The following ERG variants were observed in gnomAD, a reference collection of about 807,000 sequenced individuals.
The protein encoded by ERG is transcriptional regulator ERG.
A neutral mutation model predicts 55.3 loss-of-function variants in ERG; 9 were observed. The ratio of observed to expected loss-of-function variants is 0.16; its 90% CI spans 0.10 to 0.28. ERG has a LOEUF of 0.28. ERG is among the 10% of genes least tolerant of loss of function. The pLI is 1.00. For synonymous variants in ERG, 223 were observed against 237.3 expected (o/e 0.94, Z 0.55); for missense variants, 434 against 631.6 (o/e 0.69, Z 3.35).
At chr21:38,395,565 T>A (rs942882266) in intron 6 of ERG, 2 of 193,024 alleles carry the variant, frequency 1.0e-5, no homozygotes, top group African/African-American at 2.3e-5. Flanking sequence ...GGTTCTGTTG[T>A]TTTATCTGTA....
chr21:38,450,091 T>C (rs1165981254), intron 1 of ERG, among the ~76,000 whole-genome samples: 4 of 144,878 alleles, frequency 2.8e-5, no homozygotes, highest in Admixed American at 2.8e-4. Context: ...TGATCATGCT[T>C]AAAAAAAAAA....
At chr21:38,410,554 A>G (rs1988997587) in intron 3 of ERG, among the ~76,000 whole-genome samples, 1 of 152,222 alleles carries the variant, frequency 6.6e-6, no homozygotes, top group Non-Finnish European at 1.5e-5. Flanking sequence ...TGTACTCTGT[A>G]TGTGGAGTGG....
At chr21:38,489,670 G>A (rs1173310599) in intron 1 of ERG, among the ~76,000 whole-genome samples, 2 of 152,248 alleles carry the variant, frequency 1.3e-5, no homozygotes, top group South Asian at 2.1e-4. Flanking sequence ...AAAAGGAGAT[G>A]TGTAGTGGCT....
chr21:38,610,344 A>G (rs1873201078), intron 1 of ERG, among the ~76,000 whole-genome samples: 1 of 152,238 alleles, frequency 6.6e-6, no homozygotes, highest in Non-Finnish European at 1.5e-5. Flanking sequence ...CTTCAAGGTT[A>G]CTGTTAGTTC....
chr21:38,371,775 A>G, the ERG span, among the ~76,000 whole-genome samples: 1 of 152,016 alleles, frequency 6.6e-6, no homozygotes, highest in Non-Finnish European at 1.5e-5. Context: ...TATTTGGTTA[A>G]AATTTTTGCA....
In ERG at chr21:38,383,331, C is replaced by T. The variant is rs1398346424; in HGVS notation, c.*72G>A. 1.3e-5 allele frequency: 18 copies of T among 1,370,950 alleles called. No individual in the cohort carries two copies. Among genetic ancestry groups the T allele is most frequent in the Middle Eastern group, 2.4e-4 (1 of 4,166 alleles). The allele number at this position is 1,370,950 out of a possible 1,614,324, so 84.9% of individuals were successfully genotyped here. ...CATTCCTCTTGAGGCACTTTTGATT[C>T]ATGTTCTCCGATAGAGTTTGTGGCG... On this transcript the variant is annotated 3_prime_UTR_variant, in exon 10 of 10. Transcript: ENST00000288319. The surrounding 1 kb of genome is among the most constrained non-coding windows in gnomAD (Gnocchi z 5.7).
chr21:38,495,703 T>TC (rs1385191761), intron 1 of ERG, among the ~76,000 whole-genome samples: 2 of 152,128 alleles, frequency 1.3e-5, no homozygotes, highest in Non-Finnish European at 2.9e-5. Flanking sequence ...ACTGTAGGCT[T>TC]CACTAGACTT....
At chr21:38,495,934 C>G (rs1898532504) in intron 1 of ERG, among the ~76,000 whole-genome samples, 1 of 152,184 alleles carries the variant, frequency 6.6e-6, no homozygotes, top group Admixed American at 6.5e-5. Flanking sequence ...GCACCAAAAC[C>G]AATCAGTGAA....
intron 1 of ERG, among the ~76,000 whole-genome samples, chr21:38,469,117 T>C (rs977350868): frequency 1.0e-4 from 15 of 150,734 alleles, no homozygotes; most frequent in Non-Finnish European, 1.5e-5. Flanking sequence ...GGTCCCCTTA[T>C]CTATTTACAT....
chr21:38,645,693 A>G (rs549042608), intron 1 of ERG, among the ~76,000 whole-genome samples: 30 of 152,372 alleles, frequency 2.0e-4, no homozygotes, highest in African/African-American at 6.5e-4. Flanking sequence ...TTTTACAACT[A>G]AACAGTATTT....
chr21:38,367,556 A>G, the ERG span: 97,615 of 482,194 alleles, frequency 0.2, 10,608 homozygotes, highest in South Asian at 0.26. Flanking sequence ...TGCAAAGAGA[A>G]GGCCACGCTG....
intron 1 of ERG, among the ~76,000 whole-genome samples, chr21:38,469,536 G>A (rs906944580): frequency 1.6e-4 from 25 of 152,060 alleles, no homozygotes; most frequent in East Asian, 5.8e-4. Flanking sequence ...TGATTCCTGC[G>A]GAATCATTGT....
chr21:38,491,792 A>G (rs1239418646), intron 1 of ERG, among the ~76,000 whole-genome samples: 1 of 152,192 alleles, frequency 6.6e-6, no homozygotes, highest in Non-Finnish European at 1.5e-5. Flanking sequence ...ACTTGGGATG[A>G]GGAAATTTAA....
chr21:38,381,375 C>G lies in ERG; in HGVS notation c.*2028G>C. 1 of 1,063,106 alleles carries G rather than the reference C, an allele frequency of 9.4e-7. No individual in the cohort carries two copies. Among genetic ancestry groups the G allele is most frequent in the Non-Finnish European group, 1.1e-6 (1 of 877,954 alleles). The allele number at this position is 1,063,106 out of a possible 1,614,324, so 65.9% of individuals were successfully genotyped here. A position where few individuals can be genotyped will look rare whatever the true frequency, so the allele number is the denominator to read the frequency against. ...GCATTTGTGATTCAAAGAAAAGATGCCCAGGGAAACTGACTCTAGATTATG... is the reference window on the plus strand; with the variant it reads ...GCATTTGTGATTCAAAGAAAAGATGGCCAGGGAAACTGACTCTAGATTATG... On this transcript the variant is annotated 3_prime_UTR_variant, in exon 10 of 10. Transcript: ENST00000288319.
chr21:38,586,934 T>C (rs1288734154), upstream of ERG, among the ~76,000 whole-genome samples: 1 of 152,156 alleles, frequency 6.6e-6, no homozygotes, highest in East Asian at 1.9e-4. Context: ...GTGGTGCACA[T>C]ACACAATGGA....
At chr21:38,586,475 C>T (rs200421615), upstream of ERG, among the ~76,000 whole-genome samples, 12 of 152,176 alleles carry the variant, frequency 7.9e-5, no homozygotes, top group African/African-American at 2.4e-4. Context: ...AGTTCCCCTA[C>T]GCTCAACATC....
At chr21:38,562,487 C>A (rs2059898767) in intron 2 of ERG, among the ~76,000 whole-genome samples, 1 of 152,136 alleles carries the variant, frequency 6.6e-6, no homozygotes, top group East Asian at 1.9e-4. Flanking sequence ...AATCTCAAGG[C>A]CTGCCCTAGA....
At chr21:38,433,862 C>T (rs1020838405) in intron 2 of ERG, among the ~76,000 whole-genome samples, 15 of 152,300 alleles carry the variant, frequency 9.8e-5, no homozygotes, top group Non-Finnish European at 1.9e-4. Flanking sequence ...GAGGCAAACC[C>T]GCTAATCCTG....
At chr21:38,629,474 A>G (rs1342590658) in intron 1 of ERG, among the ~76,000 whole-genome samples, 2 of 152,234 alleles carry the variant, frequency 1.3e-5, no homozygotes, top group Non-Finnish European at 2.9e-5. Context: ...CAACTCAAAA[A>G]TGGGCAAAGG....
Sources: gnomAD v4.1 joint callset for allele counts (sites outside exome capture counted in the v4.1 genomes callset) on GRCh38, gnomAD v4.1.1 for gene constraint, Gnocchi (gnomAD v3.1) non-coding constraint, MANE v1.5 for transcripts, NCBI Gene and HGNC (gene_info 2026-07-23, HGNC 2026-07-21) for gene names.